The following CSF1R variants were observed in gnomAD, a reference collection of about 807,000 sequenced individuals.
CSF1R encodes macrophage colony-stimulating factor 1 receptor.
A neutral mutation model predicts 110.0 loss-of-function variants in CSF1R; 40 were observed. The ratio of observed to expected loss-of-function variants is 0.36; its 90% confidence interval spans 0.28 to 0.47. The LOEUF is 0.47. CSF1R is among the 20% of genes least tolerant of loss of function. The pLI, the probability that CSF1R is intolerant of heterozygous loss-of-function variation, is 0.99. For synonymous variants in CSF1R, 523 were observed against 503.4 expected, an observed-to-expected ratio of 1.04 and a Z score of -0.52; for missense variants, 1,052 against 1,253.0, an observed-to-expected ratio of 0.84 and a Z score of 2.42.
chr5:150,055,576 G>A (rs2051186465), intron 18 of CSF1R, among the ~76,000 whole-genome samples: 1 of 152,226 alleles, frequency 6.6e-6, no homozygotes, highest in South Asian at 2.1e-4. Context: ...TTTGGAATCA[G>A]ACCAAAGCTT....
Position 150,070,515 on chromosome 5 carries a change from G to A in CSF1R, c.1139C>T (p.Ser380Phe). The change falls in exon 7 of 21, where the codon TCC becomes TTC. Residue 380 changes from serine (S) to phenylalanine (F), a missense_variant. By Grantham distance (155) the Ser-to-Phe change is radical (BLOSUM62 -2). Around this residue, in one of 5 missense-constraint regions of CSF1R, gnomAD observed 693 missense variants for 735.4 expected, o/e 0.94. Transcript: ENST00000675795. ...RLKPSEAGRY[S>F]FLARNPGGWR... ...GCCTCCTGGGTTTCTGGCCAGGAAG[G>A]AGTAGCGGCCAGCCTCAGAGGGCTT... The A allele has an allele frequency of 6.4e-7, 1 of 1,554,902 alleles. No homozygotes were observed. The highest frequency in any genetic ancestry group is 8.7e-7 in the Non-Finnish European group (1 of 1,149,142).
At position 150,077,861 on chromosome 5, in the gene CSF1R, T is replaced by C. The variant is rs568170872; in HGVS notation, c.729+251A>G. Among the ~76,000 whole-genome samples the C allele has an allele frequency of 6.6e-5, 10 of 152,304 alleles. No homozygotes were observed. In the South Asian group the frequency reaches 2.1e-3, roughly 32 times the overall value. ...TAAAGGCTGGGGCAAAGGCCATGTG[T>C]CAAGGTGACAGAGAACCACCTCCCC... On this transcript the variant is annotated intron_variant, in intron 4 of 20. Transcript: ENST00000675795.
intron 19 of CSF1R, 147 bp downstream of exon 19, chr5:150,055,090 A>T: frequency 1.5e-6 from 1 of 671,788 alleles, no homozygotes; most frequent in South Asian, 1.8e-5. Flanking sequence ...TTGAACTCAA[A>T]AGGGGCTTGT....
At chr5:150,070,125 C>T in intron 8 of CSF1R, 57 bp downstream of exon 8, 1 of 1,609,130 alleles carries the variant, frequency 6.2e-7, no homozygotes, top group South Asian at 1.1e-5. Context: ...GTCCCTCCCA[C>T]TCACAGGGTG....
chr5:150,056,444 G>T (rs929916184), intron 16 of CSF1R, 103 bp from the exon 17 acceptor site: 2 of 1,448,136 alleles, frequency 1.4e-6, no homozygotes, highest in Non-Finnish European at 1.9e-6. Context: ...AGTCCCTGCT[G>T]GAGTGAACAA....
rs1229886504 is a variant in CSF1R at position 150,053,437 on chromosome 5, T to C, written c.*632A>G. On this transcript the variant is annotated 3_prime_UTR_variant, in exon 21 of 21. Transcript: ENST00000675795. ...AGGTCCCCTGCCTTCTAGCCCAGAA[T>C]GACGGGACTGGGCAGAACACCCCCA... 4.3e-6 allele frequency: 1 copy of C among 234,662 alleles called. No individual in the cohort carries two copies. Among genetic ancestry groups the C allele is most frequent in the Non-Finnish European group, 8.4e-6 (1 of 118,718 alleles). The allele number at this position is 234,662 out of a possible 1,614,324, so 14.5% of individuals were successfully genotyped here.
intron 14 of CSF1R, chr5:150,058,036 A>G (rs1262150177): frequency 2.8e-6 from 1 of 363,554 alleles, no homozygotes; most frequent in African/African-American, 2.1e-5. Context: ...GATCAGGCTA[A>G]TTACTAATAC....
At chr5:150,110,724 TGA>T (rs60378148) in intron 1 of CSF1R, among the ~76,000 whole-genome samples, 4,009 of 151,962 alleles carry the variant, frequency 0.026, 171 homozygotes, top group African/African-American at 0.092. Flanking sequence ...CTATTTATAG[TGA>T]GAGGCAGAAT....
intron 9 of CSF1R, among the ~76,000 whole-genome samples, chr5:150,069,185 G>A (rs1757920148): frequency 6.6e-6 from 1 of 152,216 alleles, no homozygotes; most frequent in Admixed American, 6.5e-5. Flanking sequence ...CTGGGGACGT[G>A]AGTGACCACC....
At chr5:150,078,751 C>A (rs1049782585) in intron 3 of CSF1R, among the ~76,000 whole-genome samples, 1 of 152,160 alleles carries the variant, frequency 6.6e-6, no homozygotes, top group African/African-American at 2.4e-5. Flanking sequence ...TACCACAGGG[C>A]CTTTGCACCC....
chr5:150,089,280 C>G (rs1306254260), upstream of CSF1R, among the ~76,000 whole-genome samples: 1 of 152,158 alleles, frequency 6.6e-6, no homozygotes, highest in Non-Finnish European at 1.5e-5. Flanking sequence ...GTAAAACTAT[C>G]TCTGTTCACA....
chr5:150,081,745 C>T (rs933416466), intron 1 of CSF1R, among the ~76,000 whole-genome samples: 5 of 152,238 alleles, frequency 3.3e-5, no homozygotes, highest in African/African-American at 9.6e-5. Flanking sequence ...ACCTAGTCTA[C>T]ACCCAGCAGC....
chr5:150,110,574 ATTG>A (rs1443067937), intron 1 of CSF1R, among the ~76,000 whole-genome samples: 1 of 152,230 alleles, frequency 6.6e-6, no homozygotes, highest in Non-Finnish European at 1.5e-5. Context: ...CCCATGATAT[ATTG>A]TTAAGTGAAA....
rs531756331 is a variant in CSF1R at position 150,070,311 on chromosome 5, G to A, written c.1199-9C>T. ...GCTTACCTCTGGGGGGTCTGAGGAA[G>A]AAAGGAGGAGGCCCCAAGTCACACT... is the stretch of plus-strand genomic sequence containing the variant. On this transcript the variant is annotated splice_polypyrimidine_tract_variant and intron_variant, in intron 7 of 20. Transcript: ENST00000675795. The A allele has an allele frequency of 6.2e-7, 1 of 1,613,118 alleles. No homozygotes were observed. The highest frequency in any genetic ancestry group is 1.1e-5 in the South Asian group (1 of 90,910).
chr5:150,104,995 C>T (rs1480413721), intron 1 of CSF1R, among the ~76,000 whole-genome samples: 3 of 150,862 alleles, frequency 2.0e-5, no homozygotes, highest in African/African-American at 7.3e-5. Flanking sequence ...TCTCTTGCCT[C>T]AGCCTCCTGA....
intron 1 of CSF1R, 108 bp from the exon 2 acceptor site, chr5:150,081,132 C>T (rs1302378316): frequency 1.5e-6 from 2 of 1,305,274 alleles, no homozygotes; most frequent in East Asian, 2.5e-5. Flanking sequence ...GCTGTGCCAT[C>T]AAGGGACCAC....
At chr5:150,085,203 G>A (rs1395696816) in intron 1 of CSF1R, among the ~76,000 whole-genome samples, 2 of 150,350 alleles carry the variant, frequency 1.3e-5, no homozygotes, top group Non-Finnish European at 2.9e-5. Context: ...TTGAACCCGG[G>A]AGGTGGAGGT....
upstream of CSF1R, among the ~76,000 whole-genome samples, chr5:150,087,267 G>A (rs146001143): frequency 8.1e-3 from 1,239 of 152,294 alleles, 8 homozygotes; most frequent in Non-Finnish European, 0.011. Flanking sequence ...TAGGAGAAAC[G>A]GAGTTTGTTT....
At chr5:150,054,965 G>A (rs540776608) in intron 19 of CSF1R, 46 of 397,088 alleles carry the variant, frequency 1.2e-4, no homozygotes, top group African/African-American at 9.9e-4. Context: ...CTGCGCTCCA[G>A]CCCGGGCTAC....
Sources: allele counts gnomAD v4.1 joint callset (sites outside exome capture counted in the v4.1 genomes callset), GRCh38; gene constraint gnomAD v4.1.1; regional missense constraint gnomAD v4.1.1; transcripts MANE v1.5; gene names NCBI Gene and HGNC (gene_info 2026-07-23, HGNC 2026-07-21).